Variants in RPF2 observed in about 807,000 individuals in gnomAD.
The protein encoded by RPF2 is ribosome production factor 2 homolog.
A neutral mutation model predicts 38.9 loss-of-function variants in RPF2; 21 were observed. The observed-to-expected ratio is 0.54, with a 90% confidence interval of 0.38 to 0.78. The LOEUF is 0.78. RPF2 is among the 30% of genes least tolerant of loss of function. RPF2 has a pLI of 0.00. For synonymous variants in RPF2, 121 were observed against 126.2 expected (o/e 0.96, Z 0.28); for missense variants, 314 against 358.1 (o/e 0.88, Z 0.99).
At chr6:111,019,694 C>T (rs1341274998) in intron 8 of RPF2, among the ~76,000 whole-genome samples, 1 of 152,060 alleles carries the variant, frequency 6.6e-6, no homozygotes, top group Non-Finnish European at 1.5e-5. Flanking sequence ...CCGAGCACTC[C>T]AGCCTGGGCA....
At chr6:111,016,458 G>A (rs945555782) in intron 8 of RPF2, among the ~76,000 whole-genome samples, 2 of 152,040 alleles carry the variant, frequency 1.3e-5, no homozygotes, top group African/African-American at 2.4e-5. Flanking sequence ...TTAGCCCAGC[G>A]TGGTGGCACA....
Position 110,985,265 on chromosome 6 carries a change from A to G in RPF2, c.156+127A>G, listed in dbSNP as rs189107739. ...ACCATAAGAACTACTAGTCTTAGAG[A>G]AGAGCTAAAGTTGGGGGTTTATTTA... On this transcript the variant is annotated intron_variant, in intron 2 of 9. Coordinates refer to ENST00000441448, the MANE Select transcript of RPF2 (RefSeq NM_032194.3). 2.0e-4 allele frequency: 149 copies of G among 739,646 alleles called. No individual in the cohort carries two copies. In the African/African-American group the frequency reaches 2.4e-3, roughly 12 times the overall value. The allele number at this position is 739,646 out of a possible 1,614,324, so 45.8% of individuals were successfully genotyped here.
At chr6:110,984,032 A>AAAT in intron 1 of RPF2, among the ~76,000 whole-genome samples, 1 of 152,214 alleles carries the variant, frequency 6.6e-6, no homozygotes. Flanking sequence ...CTGTCTCAAA[A>AAAT]AAATAAATAA....
chr6:111,008,774 T>C (rs1186805465), intron 7 of RPF2, among the ~76,000 whole-genome samples: 1 of 152,158 alleles, frequency 6.6e-6, no homozygotes. Flanking sequence ...TTATTGCCAA[T>C]ATATTATTCA....
rs1247767891 is a variant in RPF2 at position 111,015,969 on chromosome 6, G to A, written c.596+113G>A. 6 of 765,078 alleles carry A rather than the reference G, an allele frequency of 7.8e-6. No individual in the cohort carries two copies. The Admixed American group carries it at 8.3e-5, about 11-fold the overall frequency. 47.4% of individuals were successfully genotyped at this position (765,078 alleles called of 1,614,324 possible). On this transcript the variant is annotated intron_variant, in intron 8 of 9. Coordinates refer to ENST00000441448, the MANE Select transcript of RPF2 (RefSeq NM_032194.3). ...TGGTATCTGGCCAAAAGGTTTCTTG[G>A]AGAGTTGGCAGGATAGCAGTGACAG...
At chr6:111,024,066 C>G (rs745311883) in intron 8 of RPF2, 117 bp from the exon 9 acceptor site, 278 of 867,796 alleles carry the variant, frequency 3.2e-4, no homozygotes, top group Non-Finnish European at 4.4e-4. Context: ...TTAAGTAAGT[C>G]TTTCTAAACA....
Position 111,027,573 on chromosome 6 carries a change from T to C in RPF2, c.*1991T>C, listed in dbSNP as rs1348269071. The C allele has an allele frequency of 3.3e-5, 5 of 152,224 alleles. No individual in the cohort carries two copies. Among genetic ancestry groups the C allele is most frequent in the African/African-American group, 1.2e-4 (5 of 41,454 alleles). 9.4% of individuals were successfully genotyped at this position (152,224 alleles called of 1,614,324 possible). ...GGACCCTGCCATGCCTGGACCCCTC[T>C]ATCAGGAAGACCTACCCCAGCACTA... On this transcript the variant is annotated 3_prime_UTR_variant, in exon 10 of 10. Transcript: ENST00000441448.
intron 6 of RPF2, among the ~76,000 whole-genome samples, chr6:111,005,229 A>T (rs1364558131): frequency 6.6e-6 from 1 of 152,206 alleles, no homozygotes; most frequent in Admixed American, 6.5e-5. Context: ...GCAGCAAAGC[A>T]ACAGGTGACC....
chr6:110,990,855 G>A (rs1771608556), intron 3 of RPF2, among the ~76,000 whole-genome samples: 1 of 152,190 alleles, frequency 6.6e-6, no homozygotes, highest in Admixed American at 6.5e-5. Flanking sequence ...TTACAGGCGT[G>A]AGCCACTGCT....
chr6:111,018,149 C>T (rs966749656), intron 8 of RPF2, among the ~76,000 whole-genome samples: 5 of 130,410 alleles, frequency 3.8e-5, no homozygotes, highest in African/African-American at 8.5e-5. Context: ...TTGCAGTGAG[C>T]GGAGATGGCA....
At chr6:110,988,634 G>A (rs977929972) in intron 2 of RPF2, among the ~76,000 whole-genome samples, 1 of 152,044 alleles carries the variant, frequency 6.6e-6, no homozygotes, top group Non-Finnish European at 1.5e-5. Flanking sequence ...ACAGGGTTTT[G>A]CCATGTTGCC....
intron 1 of RPF2, among the ~76,000 whole-genome samples, chr6:110,984,401 C>G (rs1189742898): frequency 2.0e-5 from 3 of 151,730 alleles, no homozygotes; most frequent in African/African-American, 7.3e-5. Context: ...TTACTTGAGC[C>G]TTTTATTTTT....
At chr6:111,010,250 A>G (rs933561033) in intron 7 of RPF2, among the ~76,000 whole-genome samples, 4 of 151,322 alleles carry the variant, frequency 2.6e-5, no homozygotes, top group African/African-American at 9.7e-5. Context: ...CCTCCTGAGC[A>G]GCTGGGACTA....
chr6:111,003,567 G>A (rs1771850731), intron 6 of RPF2, among the ~76,000 whole-genome samples: 1 of 152,152 alleles, frequency 6.6e-6, no homozygotes, highest in African/African-American at 2.4e-5. Context: ...TATTCTAGGA[G>A]CCTGTTTCCT....
At chr6:111,013,225 A>G (rs888122640) in intron 7 of RPF2, among the ~76,000 whole-genome samples, 6 of 152,184 alleles carry the variant, frequency 3.9e-5, no homozygotes, top group African/African-American at 7.2e-5. Flanking sequence ...GAAAAATGCT[A>G]TATGTCATTT....
intron 2 of RPF2, among the ~76,000 whole-genome samples, chr6:110,987,305 C>T (rs115915163): frequency 5.2e-4 from 79 of 152,088 alleles, no homozygotes; most frequent in African/African-American, 1.8e-3. Context: ...ATGATCTGTC[C>T]GCCTCGGCCT....
rs745515818 is a variant in RPF2, at chr6:110,985,057, A to T, written c.75A>T (p.Lys25Asn). 12 of 1,613,046 alleles carry T rather than the reference A, an allele frequency of 7.4e-6. No homozygotes were observed. Among genetic ancestry groups the T allele is most frequent in the Non-Finnish European group, 1.0e-5 (12 of 1,179,774 alleles). The change falls in exon 2 of 10, where the codon AAA becomes AAT. Residue 25 changes from lysine (K) to asparagine (N), a missense_variant. By Grantham distance (94) the Lys-to-Asn change is moderately conservative. Coordinates refer to ENST00000441448, the MANE Select transcript of RPF2 (RefSeq NM_032194.3). ...AKRFLEKREP[K>N]LNENIKNAML... Reference sequence around the variant, plus strand: ...GATTCCTTGAGAAGAGAGAACCGAAACTCAATGAAAATATTAAAAATGCCA... The same window carrying T: ...GATTCCTTGAGAAGAGAGAACCGAATCTCAATGAAAATATTAAAAATGCCA...
At chr6:111,021,440 A>G (rs1772233437) in intron 8 of RPF2, among the ~76,000 whole-genome samples, 1 of 152,148 alleles carries the variant, frequency 6.6e-6, no homozygotes, top group African/African-American at 2.4e-5. Flanking sequence ...GAATCACTAA[A>G]CATGTGGATC....
intron 7 of RPF2, among the ~76,000 whole-genome samples, chr6:111,008,468 G>C (rs917467756): frequency 5.3e-5 from 8 of 151,736 alleles, no homozygotes; most frequent in Non-Finnish European, 8.8e-5. Context: ...GAGAGTTAAA[G>C]CAGCTGTTGT....
Sources: gnomAD v4.1 joint callset for allele counts (sites outside exome capture counted in the v4.1 genomes callset) on GRCh38, gnomAD v4.1.1 for gene constraint, MANE v1.5 for transcripts, NCBI Gene and HGNC (gene_info 2026-07-23, HGNC 2026-07-21) for gene names.